Variants in SSH3 observed in about 807,000 individuals in gnomAD.
SSH3 encodes the protein protein phosphatase Slingshot homolog 3.
In SSH3, 67 loss-of-function variants were observed where a neutral mutation model predicts 75.0. The ratio of observed to expected loss-of-function variants is 0.89; its 90% CI spans 0.73 to 1.10. SSH3 has a LOEUF of 1.10. SSH3 is among the 50% of genes least tolerant of loss of function. The pLI, the probability that SSH3 is intolerant of heterozygous loss-of-function variation, is 0.00. For synonymous variants in SSH3, 318 were observed against 349.2 expected, an observed-to-expected ratio of 0.91 and a Z score of 1.00; for missense variants, 824 against 872.7, an observed-to-expected ratio of 0.94 and a Z score of 0.70.
chr11:67,310,674 G>GGGGGC (rs1565090900), intron 13 of SSH3, among the ~76,000 whole-genome samples: 1 of 152,166 alleles, frequency 6.6e-6, no homozygotes, highest in Non-Finnish European at 1.5e-5. Flanking sequence ...GAGGGGTCAC[G>GGGGGC]GGGGCAGGGC....
At position 67,311,878 on chromosome 11, in the gene SSH3, C is replaced by A. The variant is rs202207354; in HGVS notation, c.1971C>A (p.Gly657=). Residue 657 remains glycine, a synonymous_variant, in exon 14 of 14, where the codon GGC becomes GGA. Transcript: ENST00000308127. ...QASVHDSGEE[G]EA ...GCGTGCATGACAGTGGAGAGGAGGG[C>A]GAGGCCTGAGCCCTCACACATGCCC... 1.2e-6 allele frequency: 2 copies of A among 1,610,896 alleles called. No individual in the cohort carries two copies. Among genetic ancestry groups the A allele is most frequent in the Non-Finnish European group, 8.5e-7 (1 of 1,179,648 alleles).
chr11:67,312,044 CCCACCCCTGTCA>C lies in SSH3; in HGVS notation c.*159_*170del. 1 of 989,752 alleles carries C rather than the reference CCCACCCCTGTCA, an allele frequency of 1.0e-6. No individual in the cohort carries two copies. Among genetic ancestry groups the C allele is most frequent in the Non-Finnish European group, 1.4e-6 (1 of 692,468 alleles). The allele number at this position is 989,752 out of a possible 1,614,324, so 61.3% of individuals were successfully genotyped here. A position where few individuals can be genotyped will look rare whatever the true frequency, so the allele number is the denominator to read the frequency against. On this transcript the variant is annotated 3_prime_UTR_variant, in exon 14 of 14. Transcript: ENST00000308127. Reference sequence around the variant, plus strand: ...CACCCCTGTCACTACGGCCTCACCTCCCACCCCTGTCACTACAGCCTCACCTCCTACAGCCTT... The same window carrying C: ...CACCCCTGTCACTACGGCCTCACCTCCTACAGCCTCACCTCCTACAGCCTT...
chr11:67,308,077 A>G lies in SSH3; in HGVS notation c.886-97A>G. On this transcript the variant is annotated intron_variant, in intron 8 of 13. Transcript: ENST00000308127. The surrounding 1 kb of genome is among the most constrained non-coding windows in gnomAD (Gnocchi z 4.9). ...TTGGCCTTGGCCCTAATCCATCTAG[A>G]TGGGATAGGGTGCTGTCCTCAGAGG... is the stretch of plus-strand genomic sequence containing the variant. The G allele has an allele frequency of 6.3e-7, 1 of 1,588,988 alleles. No homozygotes were observed. The highest frequency in any genetic ancestry group is 8.6e-7 in the Non-Finnish European group (1 of 1,168,198).
Position 67,303,655 on chromosome 11 carries a change from C to A in SSH3, c.30C>A (p.Pro10=), listed in dbSNP as rs1030058463. 6.6e-7 allele frequency: 1 copy of A among 1,513,226 alleles called. No individual in the cohort carries two copies. Among genetic ancestry groups the A allele is most frequent in the Admixed American group, 2.0e-5 (1 of 49,462 alleles). The allele number at this position is 1,513,226 out of a possible 1,614,324, so 93.7% of individuals were successfully genotyped here. A position where few individuals can be genotyped will look rare whatever the true frequency, so the allele number is the denominator to read the frequency against. The change falls in exon 1 of 14, where the codon CCC becomes CCA. Residue 10 remains proline, a synonymous_variant. Transcript: ENST00000308127. The part of the protein sequence containing the change: MALVTVSRS[P]PGSGASTPVG... The stretch of plus-strand genomic sequence containing the variant: ...CCCTGGTCACAGTGAGCCGTTCGCC[C>A]CCGGGCAGCGGCGCCTCCACGCCCG...
Position 67,309,650 on chromosome 11 carries a change from G to GTT in SSH3, c.1208+108_1208+109insTT. ...GCTGTGCCATTCCTTCCAGCCCTCAGTGTCCTTCCCTCCTTCTCTACTCTC... is the reference window on the plus strand; with the variant it reads ...GCTGTGCCATTCCTTCCAGCCCTCAGTTTGTCCTTCCCTCCTTCTCTACTCTC... On this transcript the variant is annotated intron_variant, in intron 11 of 13. Coordinates refer to ENST00000308127, the MANE Select transcript of SSH3 (RefSeq NM_017857.4). 1.9e-6 allele frequency: 3 copies of GTT among 1,575,534 alleles called. No homozygotes were observed. In the South Asian group the frequency reaches 3.5e-5, roughly 18 times the overall value.
rs781048998 is a variant in SSH3 at position 67,307,588 on chromosome 11, T to C, written c.642T>C (p.Ala214=). 8 of 1,613,378 alleles carry C rather than the reference T, an allele frequency of 5.0e-6. No individual in the cohort carries two copies. The South Asian group carries it at 7.7e-5, about 16-fold the overall frequency. Residue 214 remains alanine, a synonymous_variant, in exon 7 of 14, where the codon GCT becomes GCC. Coordinates refer to ENST00000308127, the MANE Select transcript of SSH3 (RefSeq NM_017857.4). This position sits in a 1 kb window ranked among gnomAD's most constrained non-coding sequence, Gnocchi z 4.2. ...LQVLHQACEA[A]LGSGLVPGGS... ...TATTGCACCAAGCATGTGAGGCAGCTCTAGGCAGCGGCCTTGTACCGGGTG... is the reference window on the plus strand; with the variant it reads ...TATTGCACCAAGCATGTGAGGCAGCCCTAGGCAGCGGCCTTGTACCGGGTG...
rs376309375 is a variant in SSH3, at chr11:67,307,385, C to T, written c.551C>T (p.Thr184Met). ...GTCTCCTGCAGGGGCTTCAGCGTGA[C>T]GTCTGGTGGGCAAAGCCGGATCTTC... is the stretch of plus-strand genomic sequence containing the variant. ...YLDGDGGFSV[T>M]SGGQSRIFKP... The change falls in exon 6 of 14, where the codon ACG becomes ATG. Residue 184 changes from threonine (T) to methionine (M), a missense_variant. Coordinates refer to ENST00000308127, the MANE Select transcript of SSH3 (RefSeq NM_017857.4). The surrounding 1 kb of genome is among the most constrained non-coding windows in gnomAD (Gnocchi z 4.2). 21 of 1,613,894 alleles carry T rather than the reference C, an allele frequency of 1.3e-5. No homozygotes were observed. Among genetic ancestry groups the T allele is most frequent in the African/African-American group, 1.2e-4 (9 of 74,920 alleles).
rs752460257 is a variant in SSH3, at chr11:67,307,839, C to T, written c.792-7C>T. On this transcript the variant is annotated splice_polypyrimidine_tract_variant and splice_region_variant and intron_variant, in intron 7 of 13. Transcript: ENST00000308127. The surrounding 1 kb of genome is among the most constrained non-coding windows in gnomAD (Gnocchi z 4.2). ...AGGGCCCCTTGACTGAGGGGCTCTG[C>T]TCCCAGGTCCTCAGAACAGGAGCAG... The T allele has an allele frequency of 2.7e-5, 43 of 1,614,070 alleles. No individual in the cohort carries two copies. The highest frequency in any genetic ancestry group is 3.0e-5 in the Non-Finnish European group (35 of 1,180,032).
Position 67,303,691 on chromosome 11 carries a change from G to T in SSH3, c.66G>T (p.Trp22Cys). The change falls in exon 1 of 14, where the codon TGG (tryptophan) becomes TGT (cysteine). Residue 22 changes from tryptophan (W) to cysteine (C), a missense_variant and splice_region_variant. Transcript: ENST00000308127. ...GCGCCTCCACGCCCGTGGGGCCCTG[G>T]GTGAGTGTGGTCCGGCCGTGGTGCC... ...GSGASTPVGP[W>C]DQAVQRRSRL... 3 of 1,505,384 alleles carry T rather than the reference G, an allele frequency of 2.0e-6. No homozygotes were observed. The highest frequency in any genetic ancestry group is 2.5e-5 in the South Asian group (2 of 81,110). 93.3% of individuals were successfully genotyped at this position (1,505,384 alleles called of 1,614,324 possible). A position where few individuals can be genotyped will look rare whatever the true frequency, so the allele number is the denominator to read the frequency against.
chr11:67,304,644 A>G (rs1861179048), intron 2 of SSH3, 129 bp from the exon 3 acceptor site: 4 of 911,960 alleles, frequency 4.4e-6, no homozygotes, highest in African/African-American at 3.3e-5. Context: ...CTCTAGACCT[A>G]TCGACCGCGT....
rs972983674 is a variant in SSH3, at chr11:67,307,254, C to T, written c.537-117C>T. 6.2e-5 allele frequency: 97 copies of T among 1,559,644 alleles called. 1 individual carries two copies. The South Asian group carries it at 9.7e-4, about 16-fold the overall frequency. On this transcript the variant is annotated intron_variant, in intron 5 of 13. Coordinates refer to ENST00000308127, the MANE Select transcript of SSH3 (RefSeq NM_017857.4). This position sits in a 1 kb window ranked among gnomAD's most constrained non-coding sequence, Gnocchi z 4.2. ...GCTCCCAGCTCCACGTCAGATTCAC[C>T]GTGATCCTGAGCAAGGCACCTGACT...
chr11:67,306,774 G>A, intron 3 of SSH3, 64 bp from the exon 4 acceptor site: 1 of 1,526,766 alleles, frequency 6.5e-7, no homozygotes, highest in Non-Finnish European at 8.8e-7. Flanking sequence ...TGGGCCTGGG[G>A]TGTCTAGGTG....
At chr11:67,306,017 C>T (rs575943843) in intron 3 of SSH3, among the ~76,000 whole-genome samples, 17 of 152,100 alleles carry the variant, frequency 1.1e-4, no homozygotes, top group Admixed American at 9.2e-4. Context: ...TGGCCGGGCG[C>T]GGTGGCTCAT....
At position 67,308,519 on chromosome 11, in the gene SSH3, T is replaced by C. The variant is rs933103807; in HGVS notation, c.1061+61T>C. 1.5e-5 allele frequency: 23 copies of C among 1,545,308 alleles called. No individual in the cohort carries two copies. The highest frequency in any genetic ancestry group is 1.9e-5 in the Non-Finnish European group (22 of 1,143,662). ...CTTCCCTTCTCCTGGCCTCCCCGCA[T>C]TGGGTGGTAGCCAGCTTCAAAAACC... On this transcript the variant is annotated intron_variant, in intron 10 of 13. Transcript: ENST00000308127. This position sits in a 1 kb window ranked among gnomAD's most constrained non-coding sequence, Gnocchi z 4.9.
chr11:67,311,949 AC>A lies in SSH3; in HGVS notation c.*65del, dbSNP rs1861425656. On this transcript the variant is annotated 3_prime_UTR_variant, in exon 14 of 14. Coordinates refer to ENST00000308127, the MANE Select transcript of SSH3 (RefSeq NM_017857.4). ...AGGATCCACAACTCCTTGGAGAAACACCCTCACGTCTGTTGCCGCACACATT... is the reference window on the plus strand; with the variant it reads ...AGGATCCACAACTCCTTGGAGAAACACCTCACGTCTGTTGCCGCACACATT... 1.9e-6 allele frequency: 3 copies of A among 1,585,426 alleles called. No individual in the cohort carries two copies. The African/African-American group carries it at 4.1e-5, about 22-fold the overall frequency.
intron 2 of SSH3, 112 bp from the exon 3 acceptor site, chr11:67,304,661 C>T (rs1407678085): frequency 9.1e-7 from 1 of 1,097,956 alleles, no homozygotes; most frequent in Non-Finnish European, 1.3e-6. Flanking sequence ...GCGTGGGGGC[C>T]CATGAATCCG....
chr11:67,303,921 C>G, intron 1 of SSH3, 197 bp from the exon 2 acceptor site: 1 of 806,320 alleles, frequency 1.2e-6, no homozygotes, highest in Non-Finnish European at 1.8e-6. Context: ...GCGCCCCCCG[C>G]CACACTCGGC....
rs1330149601 is a variant in SSH3 at position 67,306,909 on chromosome 11, A to AGGTCTGAGCCAGGATGAGAC, written c.416_435dup (p.Leu146Ter). 6.2e-7 allele frequency: 1 copy of AGGTCTGAGCCAGGATGAGAC among 1,613,622 alleles called. No homozygotes were observed. Among genetic ancestry groups the AGGTCTGAGCCAGGATGAGAC allele is most frequent in the African/African-American group, 1.3e-5 (1 of 74,916 alleles). On this transcript the variant is annotated frameshift_variant, in exon 4 of 14. Coordinates refer to ENST00000308127, the MANE Select transcript of SSH3 (RefSeq NM_017857.4). LOFTEE classifies it high-confidence loss of function. Reference sequence around the variant, plus strand: ...TGGTAGTTTCTACACGAGAAGGAGAAGGTCTGAGCCAGGATGAGACGGTCC... The same window carrying AGGTCTGAGCCAGGATGAGAC: ...TGGTAGTTTCTACACGAGAAGGAGAAGGTCTGAGCCAGGATGAGACGGTCTGAGCCAGGATGAGACGGTCC...
At position 67,308,603 on chromosome 11, in the gene SSH3, C is replaced by G; in HGVS notation, c.1061+145C>G. ...TCTAACTCTGTCCTGGGGCTGTTGC[C>G]CTGGTGTGGGCTCCCAGGTGGGGAC... is the stretch of plus-strand genomic sequence containing the variant. On this transcript the variant is annotated intron_variant, in intron 10 of 13. Coordinates refer to ENST00000308127, the MANE Select transcript of SSH3 (RefSeq NM_017857.4). The surrounding 1 kb of genome is among the most constrained non-coding windows in gnomAD (Gnocchi z 4.9). 2.4e-6 allele frequency: 3 copies of G among 1,245,300 alleles called. No homozygotes were observed. The South Asian group carries it at 4.4e-5, about 18-fold the overall frequency. The allele number at this position is 1,245,300 out of a possible 1,614,324, so 77.1% of individuals were successfully genotyped here. A position where few individuals can be genotyped will look rare whatever the true frequency, so the allele number is the denominator to read the frequency against.
Sources: gnomAD v4.1 joint callset for allele counts (sites outside exome capture counted in the v4.1 genomes callset) on GRCh38, gnomAD v4.1.1 for gene constraint, Gnocchi (gnomAD v3.1) non-coding constraint, MANE v1.5 for transcripts, NCBI Gene and HGNC (gene_info 2026-07-23, HGNC 2026-07-21) for gene names.